Variants in PTPN21 observed in about 807,000 individuals in gnomAD.
PTPN21 encodes the protein protein tyrosine phosphatase non-receptor type 21.
A neutral mutation model predicts 131.8 loss-of-function variants in PTPN21; 77 were observed. The ratio of observed to expected loss-of-function variants is 0.58; its 90% CI spans 0.49 to 0.71. The LOEUF (loss-of-function observed/expected upper bound fraction) is 0.71. PTPN21 is among the 30% of genes least tolerant of loss of function. The pLI is 0.00. For synonymous variants in PTPN21, 715 were observed against 621.3 expected, an observed-to-expected ratio of 1.15 and a Z score of -2.24; for missense variants, 1,552 against 1,527.1, an observed-to-expected ratio of 1.02 and a Z score of -0.27.
intron 3 of PTPN21, among the ~76,000 whole-genome samples, chr14:88,509,321 C>G (rs2139292220): frequency 6.6e-6 from 1 of 152,294 alleles, no homozygotes; most frequent in South Asian, 2.1e-4. Context: ...CCAAACTGTC[C>G]TCCGTATCTG....
rs751969585 is a variant in PTPN21, at chr14:88,479,542, G to A, written c.1889C>T (p.Ala630Val). Residue 630 changes from alanine to valine, a missense_variant, in exon 13 of 19, where the codon GCG becomes GTG. By Grantham distance (64) the Ala-to-Val change is moderately conservative. Around this residue, in one of 4 missense-constraint regions of PTPN21, gnomAD observed 1,016 missense variants for 883.5 expected, o/e 1.15. Transcript: ENST00000556564. Reference protein sequence around the residue: ...VSEPLTAARHAQLHKRNSIEV... With the variant: ...VSEPLTAARHVQLHKRNSIEV... ...GATGCTGTTCCGTTTGTGCAGCTGC[G>A]CGTGGCGCGCGGCGGTGAGGGGCTC... 7.5e-6 allele frequency: 12 copies of A among 1,599,512 alleles called. No homozygotes were observed. The highest frequency in any genetic ancestry group is 1.3e-5 in the African/African-American group (1 of 74,902).
In PTPN21 at chr14:88,469,950, G is replaced by C; in HGVS notation, c.2972C>G (p.Ala991Gly). The change falls in exon 16 of 19, where the codon GCA becomes GGA. Residue 991 changes from alanine (A) to glycine (G), a missense_variant. Around this residue, in one of 4 missense-constraint regions of PTPN21, gnomAD observed 316 missense variants for 378.5 expected, o/e 0.83. Coordinates refer to ENST00000556564, the MANE Select transcript of PTPN21 (RefSeq NM_007039.4). This position sits in a 1 kb window ranked among gnomAD's most constrained non-coding sequence, Gnocchi z 4.3. ...TTCTGCTGTCACCATTGCTATAATTGCAATTCCCTGTTCCCATACCATCTG... is the reference window on the plus strand; with the variant it reads ...TTCTGCTGTCACCATTGCTATAATTCCAATTCCCTGTTCCCATACCATCTG... The part of the protein sequence containing the change: ...FWQMVWEQGI[A>G]IIAMVTAEEE... 6.2e-7 allele frequency: 1 copy of C among 1,614,022 alleles called. No individual in the cohort carries two copies. The highest frequency in any genetic ancestry group is 8.5e-7 in the Non-Finnish European group (1 of 1,180,006).
chr14:88,530,425 C>T (rs1031387138), intron 2 of PTPN21, among the ~76,000 whole-genome samples: 1 of 152,126 alleles, frequency 6.6e-6, no homozygotes, highest in African/African-American at 2.4e-5. Context: ...TAGAGCAGTA[C>T]CTCACATTTC....
At chr14:88,473,499 T>C (rs2077501486) in intron 14 of PTPN21, among the ~76,000 whole-genome samples, 166 bp downstream of exon 14, 1 of 152,142 alleles carries the variant, frequency 6.6e-6, no homozygotes, top group Admixed American at 6.5e-5. Flanking sequence ...ATTAAGACAT[T>C]AGCTATACAT....
chr14:88,498,275 C>CA (rs1034607591), intron 8 of PTPN21, among the ~76,000 whole-genome samples: 5 of 137,248 alleles, frequency 3.6e-5, no homozygotes, highest in Middle Eastern at 3.7e-3. Context: ...GACTCTGTCT[C>CA]AAAAAAAACC....
At chr14:88,525,522 A>G (rs2078461869) in intron 2 of PTPN21, among the ~76,000 whole-genome samples, 1 of 152,222 alleles carries the variant, frequency 6.6e-6, no homozygotes, top group South Asian at 2.1e-4. Flanking sequence ...ACCACTTCAC[A>G]CCAACTAGGA....
At position 88,500,779 on chromosome 14, in the gene PTPN21, A is replaced by C; in HGVS notation, c.764+4T>G. The C allele has an allele frequency of 6.2e-7, 1 of 1,600,692 alleles. No individual in the cohort carries two copies. Reference sequence around the variant, plus strand: ...AAACATACAAAAAGAGGTAAGAAAAATACCTAAATACCACAGGATGCCTTC... The same window carrying C: ...AAACATACAAAAAGAGGTAAGAAAACTACCTAAATACCACAGGATGCCTTC... On this transcript the variant is annotated splice_donor_region_variant and intron_variant, in intron 8 of 18. Transcript: ENST00000556564.
chr14:88,532,831 T>C (rs957543062), intron 2 of PTPN21, among the ~76,000 whole-genome samples: 2 of 152,124 alleles, frequency 1.3e-5, no homozygotes, highest in Non-Finnish European at 2.9e-5. Context: ...GAATTACAAA[T>C]ATATGGGAGT....
At chr14:88,520,493 A>T (rs922760098) in intron 2 of PTPN21, among the ~76,000 whole-genome samples, 2 of 152,190 alleles carry the variant, frequency 1.3e-5, no homozygotes, top group Non-Finnish European at 2.9e-5. Context: ...CTGAAAGGCC[A>T]AGTCCCATTG....
intron 12 of PTPN21, among the ~76,000 whole-genome samples, chr14:88,481,193 C>T (rs1318050680): frequency 1.3e-5 from 2 of 152,136 alleles, no homozygotes; most frequent in African/African-American, 4.8e-5. Flanking sequence ...TTTTGTGCTT[C>T]GAAAGCTCCA....
chr14:88,523,716 G>GACAC (rs71126989), intron 2 of PTPN21, among the ~76,000 whole-genome samples: 10,421 of 144,436 alleles, frequency 0.072, 394 homozygotes, highest in Non-Finnish European at 0.093. Flanking sequence ...CCCCAACCGT[G>GACAC]ACACACACAC....
chr14:88,511,876 A>C (rs2078189608), intron 3 of PTPN21, among the ~76,000 whole-genome samples: 1 of 152,220 alleles, frequency 6.6e-6, no homozygotes, highest in Non-Finnish European at 1.5e-5. Context: ...AATATTTCAT[A>C]CAATATATGA....
intron 2 of PTPN21, among the ~76,000 whole-genome samples, chr14:88,520,714 G>A (rs1390810893): frequency 6.6e-6 from 1 of 152,196 alleles, no homozygotes; most frequent in Non-Finnish European, 1.5e-5. Context: ...TTTACTAGGA[G>A]TGAAATGGTA....
intron 3 of PTPN21, among the ~76,000 whole-genome samples, chr14:88,515,868 G>A (rs1447375616): frequency 6.6e-6 from 1 of 152,186 alleles, no homozygotes; most frequent in African/African-American, 2.4e-5. Flanking sequence ...GTTTAAATGA[G>A]TTAAAGTGAT....
chr14:88,472,466 C>T lies in PTPN21; in HGVS notation c.2650-1G>A, dbSNP rs1595340807. On this transcript the variant is annotated splice_acceptor_variant, in intron 14 of 18. Transcript: ENST00000556564. LOFTEE classifies it high-confidence loss of function. ...CTAATCGTTGTTCCAGAATTTTACACTATAAAACAGAATATGTGTAATAAC... is the reference window on the plus strand; with the variant it reads ...CTAATCGTTGTTCCAGAATTTTACATTATAAAACAGAATATGTGTAATAAC... 1 of 1,584,140 alleles carries T rather than the reference C, an allele frequency of 6.3e-7. No homozygotes were observed. The highest frequency in any genetic ancestry group is 1.1e-5 in the South Asian group (1 of 90,210).
At position 88,469,375 on chromosome 14, in the gene PTPN21, T is replaced by C; in HGVS notation, c.3235+124A>G. ...CTCCCCAAAACACTTGTATTCTTTA[T>C]GTTAAAACAAGTCCGAAGCTTATAT... On this transcript the variant is annotated intron_variant, in intron 17 of 18. Transcript: ENST00000556564. The surrounding 1 kb of genome is among the most constrained non-coding windows in gnomAD (Gnocchi z 4.3). The C allele has an allele frequency of 2.2e-6, 2 of 913,514 alleles. No homozygotes were observed. Among genetic ancestry groups the C allele is most frequent in the African/African-American group, 1.7e-5 (1 of 59,986 alleles). The allele number at this position is 913,514 out of a possible 1,614,324, so 56.6% of individuals were successfully genotyped here. A position where few individuals can be genotyped will look rare whatever the true frequency, so the allele number is the denominator to read the frequency against.
intron 9 of PTPN21, 40 bp from the exon 10 acceptor site, chr14:88,496,532 C>T: frequency 3.4e-6 from 5 of 1,449,758 alleles, no homozygotes; most frequent in Non-Finnish European, 4.8e-6. Flanking sequence ...TGAAAGCACA[C>T]ATACAACTTG....
At chr14:88,533,530 T>C (rs542062658) in intron 2 of PTPN21, among the ~76,000 whole-genome samples, 1 of 152,184 alleles carries the variant, frequency 6.6e-6, no homozygotes, top group Non-Finnish European at 1.5e-5. Flanking sequence ...TAAATGACTA[T>C]GTTACTGATT....
chr14:88,518,077 A>G (rs1373520498), intron 2 of PTPN21, among the ~76,000 whole-genome samples: 1 of 146,544 alleles, frequency 6.8e-6, no homozygotes, highest in Non-Finnish European at 1.5e-5. Flanking sequence ...TCAGTAAATG[A>G]TATGCAAGAG....
Sources: allele counts gnomAD v4.1 joint callset (sites outside exome capture counted in the v4.1 genomes callset), GRCh38; gene constraint gnomAD v4.1.1; regional missense constraint gnomAD v4.1.1; non-coding constraint Gnocchi (gnomAD v3.1); transcripts MANE v1.5; gene names NCBI Gene and HGNC (gene_info 2026-07-23, HGNC 2026-07-21).